Variants in PDZD2 observed in about 807,000 individuals in gnomAD.
PDZD2 encodes the protein PDZ domain-containing protein 2.
A neutral mutation model predicts 220.7 loss-of-function variants in PDZD2; 90 were observed. That is an observed-to-expected ratio of 0.41 (90% CI 0.34 to 0.49). The LOEUF (loss-of-function observed/expected upper bound fraction) is 0.49, where lower values mean the gene tolerates loss of function less well. Among genes scored for constraint, PDZD2 ranks in the 20% least tolerant of loss-of-function variants. The pLI is 0.28. For missense variants in PDZD2, 3,174 were observed against 3,608.5 expected (o/e 0.88, Z 3.08); for synonymous variants, 1,375 against 1,450.5 (o/e 0.95, Z 1.18).
At chr5:31,644,514 C>T (rs1745063283) in intron 1 of PDZD2, among the ~76,000 whole-genome samples, 1 of 152,144 alleles carries the variant, frequency 6.6e-6, no homozygotes, top group Admixed American at 6.5e-5. Flanking sequence ...TCTGATAAGG[C>T]GGCTGAGCCG....
intron 4 of PDZD2, among the ~76,000 whole-genome samples, chr5:31,996,201 A>T: frequency 6.6e-6 from 1 of 152,214 alleles, no homozygotes; most frequent in East Asian, 1.9e-4. Context: ...AGATATATGT[A>T]TCTCTGTCGT....
chr5:32,096,875 A>G (rs114824751), intron 21 of PDZD2, among the ~76,000 whole-genome samples: 2,919 of 120,904 alleles, frequency 0.024, 41 homozygotes, highest in Middle Eastern at 0.042. Context: ...TCACTCTGTC[A>G]ACCAGGCTGA....
At chr5:31,641,515 A>T (rs145722259) in intron 1 of PDZD2, among the ~76,000 whole-genome samples, 1 of 151,800 alleles carries the variant, frequency 6.6e-6, no homozygotes, top group African/African-American at 2.4e-5. Context: ...AGAGGAACTT[A>T]GTTCTCCAGA....
chr5:31,897,202 A>G (rs1480571728), intron 2 of PDZD2, among the ~76,000 whole-genome samples: 1 of 152,204 alleles, frequency 6.6e-6, no homozygotes, highest in Non-Finnish European at 1.5e-5. Flanking sequence ...CACCTAAATC[A>G]GTGAACTAAC....
chr5:31,779,907 C>T (rs1028975214), intron 1 of PDZD2, among the ~76,000 whole-genome samples: 3 of 152,108 alleles, frequency 2.0e-5, no homozygotes, highest in African/African-American at 7.2e-5. Context: ...GTGTTTCTGT[C>T]TTGCTGTGCT....
intron 1 of PDZD2, among the ~76,000 whole-genome samples, chr5:31,687,746 G>A (rs986357957): frequency 1.3e-5 from 2 of 152,156 alleles, no homozygotes; most frequent in Non-Finnish European, 2.9e-5. Context: ...GGGCCTTCTC[G>A]GTTTGCCACC....
In PDZD2 at chr5:31,878,555, C is replaced by CTTTTTTTTTTTTTTTTTTTT. The variant is rs397884384; in HGVS notation, c.476+78836_476+78855dup. On this transcript the variant is annotated intron_variant, in intron 2 of 24. Coordinates refer to ENST00000438447, the MANE Select transcript of PDZD2 (RefSeq NM_178140.4). ...TTCTTTGGTGGTCAGATGACCTCGG[C>CTTTTTTTTTTTTTTTTTTTT]TTTTTTTTTTTTTTTTTTTTTTTTG... 5.6e-4 allele frequency among the ~76,000 whole-genome samples: 27 copies of CTTTTTTTTTTTTTTTTTTTT among 48,196 alleles called. 8 individuals are homozygous for CTTTTTTTTTTTTTTTTTTTT. The highest frequency in any genetic ancestry group is 8.4e-4 in the African/African-American group (12 of 14,370). The allele number at this position is 48,196 out of a possible 152,430, so 31.6% of individuals were successfully genotyped here.
In PDZD2 at chr5:32,089,528, G is replaced by A. The variant is rs770642225; in HGVS notation, c.6080G>A (p.Arg2027Lys). The change falls in exon 20 of 25, where the codon AGG becomes AAG. Residue 2027 changes from arginine (R) to lysine (K), a missense_variant. Around this residue, in one of 4 missense-constraint regions of PDZD2, gnomAD observed 1,861 missense variants for 2,001.0 expected, o/e 0.93. Coordinates refer to ENST00000438447, the MANE Select transcript of PDZD2 (RefSeq NM_178140.4). Reference protein sequence around the residue: ...PKSPKCRAEGRAPRADSGPVS... With the variant: ...PKSPKCRAEGKAPRADSGPVS... ...TCTCCTAAGTGTAGAGCAGAGGGCA[G>A]GGCGCCCCGTGCTGACTCCGGGCCG... 1 of 1,608,672 alleles carries A rather than the reference G, an allele frequency of 6.2e-7. No homozygotes were observed. The highest frequency in any genetic ancestry group is 1.1e-5 in the South Asian group (1 of 90,716).
intron 2 of PDZD2, among the ~76,000 whole-genome samples, chr5:31,977,362 A>T (rs1749881467): frequency 6.6e-6 from 1 of 152,190 alleles, no homozygotes; most frequent in Non-Finnish European, 1.5e-5. Context: ...GCCCTCTTTT[A>T]ATAGAATCCC....
intron 6 of PDZD2, among the ~76,000 whole-genome samples, chr5:32,033,770 C>T (rs1755309435): frequency 6.6e-6 from 1 of 152,232 alleles, no homozygotes. Flanking sequence ...CAGGCACTCA[C>T]CACCACACCC....
At chr5:31,787,259 T>C (rs902851494) in intron 1 of PDZD2, among the ~76,000 whole-genome samples, 4 of 152,220 alleles carry the variant, frequency 2.6e-5, no homozygotes, top group African/African-American at 9.6e-5. Context: ...GCACATTGCC[T>C]CGTAAATGCC....
intron 2 of PDZD2, among the ~76,000 whole-genome samples, chr5:31,934,604 A>G (rs1339329206): frequency 1.5e-5 from 1 of 65,056 alleles, no homozygotes; most frequent in Non-Finnish European, 3.3e-5. Flanking sequence ...TGAACCATCT[A>G]ATTAAAAAAA....
chr5:31,735,131 C>T (rs1476407863), intron 1 of PDZD2, among the ~76,000 whole-genome samples: 4 of 152,114 alleles, frequency 2.6e-5, no homozygotes, highest in Non-Finnish European at 5.9e-5. Context: ...CTTCATGAGC[C>T]GTGGAGCGTG....
intron 15 of PDZD2, among the ~76,000 whole-genome samples, chr5:32,070,422 C>T (rs778843723): frequency 1.4e-4 from 22 of 152,122 alleles, no homozygotes; most frequent in Middle Eastern, 3.2e-3. Context: ...TTCATCATCC[C>T]GACCTGCCTG....
At chr5:32,077,370 T>A (rs1741394765) in intron 18 of PDZD2, 92 bp from the exon 19 acceptor site, 2 of 1,385,820 alleles carry the variant, frequency 1.4e-6, no homozygotes, top group African/African-American at 2.8e-5. Context: ...TGCCTTTTCC[T>A]GAACTAGCTC....
intron 1 of PDZD2, among the ~76,000 whole-genome samples, chr5:31,759,538 CTA>C (rs750511068): frequency 3.6e-5 from 4 of 111,970 alleles, no homozygotes; most frequent in Middle Eastern, 3.9e-3. Context: ...CTTCTCAGAA[CTA>C]TTTTTTTTTT....
intron 1 of PDZD2, among the ~76,000 whole-genome samples, chr5:31,643,151 G>A (rs1745011538): frequency 6.6e-6 from 1 of 152,186 alleles, no homozygotes; most frequent in South Asian, 2.1e-4. Context: ...GCTGTATAGG[G>A]GGTCCTTTCG....
chr5:31,919,479 T>C (rs577786418), intron 2 of PDZD2, among the ~76,000 whole-genome samples: 2 of 152,018 alleles, frequency 1.3e-5, no homozygotes, highest in South Asian at 4.2e-4. Flanking sequence ...CCCTAGTAGC[T>C]AGGATTACAG....
intron 2 of PDZD2, among the ~76,000 whole-genome samples, chr5:31,919,861 T>TTC (rs1437749998): frequency 1.3e-5 from 2 of 150,776 alleles, no homozygotes; most frequent in Admixed American, 6.6e-5. Context: ...AAAAACAATT[T>TTC]TTTTTTTTAT....
Sources: gnomAD v4.1 joint callset for allele counts (sites outside exome capture counted in the v4.1 genomes callset) on GRCh38, gnomAD v4.1.1 for gene constraint, gnomAD v4.1.1 regional missense constraint, MANE v1.5 for transcripts, NCBI Gene and HGNC (gene_info 2026-07-23, HGNC 2026-07-21) for gene names.